STX16: variants seen among roughly 807,000 people sequenced by gnomAD.
STX16 encodes the protein syntaxin-16.
Under a neutral mutation model 42.7 loss-of-function variants are expected in STX16, and 28 were observed. That is an observed-to-expected ratio of 0.66 (90% confidence interval 0.49 to 0.90). STX16 has a LOEUF of 0.90. Among genes scored for constraint, STX16 ranks in the 40% least tolerant of loss-of-function variants. STX16 has a pLI of 0.00. For missense variants in STX16, 361 were observed against 420.9 expected (o/e 0.86, Z 1.24); for synonymous variants, 156 against 155.2 (o/e 1.00, Z -0.04).
chr20:58,671,744 C>T lies in STX16; in HGVS notation c.792+447C>T, dbSNP rs534933270. ...ATCATAGTACCATCCTCATAGGATG[C>T]TTGTTAGGGATTAAATGAGAGGAAT... On this transcript the variant is annotated intron_variant, in intron 7 of 8. Coordinates refer to ENST00000371141, the MANE Select transcript of STX16 (RefSeq NM_001001433.3). 2.0e-5 allele frequency among the ~76,000 whole-genome samples: 3 copies of T among 152,112 alleles called. No individual in the cohort carries two copies. In the South Asian group the frequency reaches 6.2e-4, roughly 32 times the overall value.
rs1291165084 is a variant in STX16, at chr20:58,657,278, C to G, written c.133-2345C>G. Among the ~76,000 whole-genome samples, 5 of 152,148 alleles carry G rather than the reference C, an allele frequency of 3.3e-5. No individual in the cohort carries two copies. Among genetic ancestry groups the G allele is most frequent in the Non-Finnish European group, 7.3e-5 (5 of 68,036 alleles). ...TGTCTTTAGAATCCAAGTATGAAAT[C>G]ATTATATATTTCTCTTTAGATCTAC... On this transcript the variant is annotated intron_variant, in intron 1 of 8. Transcript: ENST00000371141. This position sits in a 1 kb window ranked among gnomAD's most constrained non-coding sequence, Gnocchi z 4.2.
rs1339323284 is a variant in STX16 at position 58,651,751 on chromosome 20, G to T, written c.-256G>T. The T allele has an allele frequency of 2.3e-6, 1 of 427,826 alleles. No individual in the cohort carries two copies. 26.5% of individuals were successfully genotyped at this position (427,826 alleles called of 1,614,324 possible). A position where few individuals can be genotyped will look rare whatever the true frequency, so the allele number is the denominator to read the frequency against. On this transcript the variant is annotated 5_prime_UTR_variant, in exon 1 of 9. Coordinates refer to ENST00000371141, the MANE Select transcript of STX16 (RefSeq NM_001001433.3). Reference sequence around the variant, plus strand: ...TGGATCGCTACGCAAGGATTGGGGGGATTCAAGTGCTTAGAGATCGAAGTC... The same window carrying T: ...TGGATCGCTACGCAAGGATTGGGGGTATTCAAGTGCTTAGAGATCGAAGTC...
In STX16 at chr20:58,676,177, C is replaced by T. The variant is rs1363241404; in HGVS notation, c.874-10C>T. 1 of 1,611,636 alleles carries T rather than the reference C, an allele frequency of 6.2e-7. No homozygotes were observed. ...AAAATGACGGCCTTTTTTCCCTCCT[C>T]TTTTTGTAGGCAGAACAGTATCAAA... is the stretch of plus-strand genomic sequence containing the variant. On this transcript the variant is annotated splice_polypyrimidine_tract_variant and intron_variant, in intron 8 of 8. Transcript: ENST00000371141.
chr20:58,655,997 C>T (rs1192733242), intron 1 of STX16, among the ~76,000 whole-genome samples: 1 of 152,054 alleles, frequency 6.6e-6, no homozygotes, highest in African/African-American at 2.4e-5. Flanking sequence ...TTTGAGTGCC[C>T]CATCACGTTC....
chr20:58,654,418 C>A (rs939153543), intron 1 of STX16, among the ~76,000 whole-genome samples: 1 of 152,198 alleles, frequency 6.6e-6, no homozygotes, highest in Non-Finnish European at 1.5e-5. Flanking sequence ...GTTACATCTT[C>A]ACTTTGCTTA....
rs901516266 is a variant in STX16, at chr20:58,678,853, C to T, written c.*2562C>T. 7 of 152,228 alleles carry T rather than the reference C, an allele frequency of 4.6e-5. No homozygotes were observed. Among genetic ancestry groups the T allele is most frequent in the East Asian group, 1.9e-4 (1 of 5,192 alleles). The allele number at this position is 152,228 out of a possible 1,614,324, so 9.4% of individuals were successfully genotyped here. A position where few individuals can be genotyped will look rare whatever the true frequency, so the allele number is the denominator to read the frequency against. On this transcript the variant is annotated 3_prime_UTR_variant, in exon 9 of 9. Transcript: ENST00000371141. ...ACCTCAGGGTTTCTTTCCCTTTACT[C>T]GCTGGCAGCCATTGTCTGTGGGCAC...
chr20:58,667,638 G>C, intron 3 of STX16, 41 bp downstream of exon 3: 2 of 1,527,144 alleles, frequency 1.3e-6, no homozygotes, highest in Non-Finnish European at 1.8e-6. Context: ...GTTTTTTTAA[G>C]TAATTATGAC....
intron 5 of STX16, among the ~76,000 whole-genome samples, chr20:58,670,252 T>C (rs769409545): frequency 1.1e-4 from 16 of 152,262 alleles, no homozygotes; most frequent in Non-Finnish European, 2.1e-4. Context: ...GGTTGTGTCA[T>C]TTTTATCTTG....
intron 1 of STX16, chr20:58,652,363 T>G (rs1044919119): frequency 1.8e-5 from 11 of 617,092 alleles, no homozygotes; most frequent in African/African-American, 1.1e-4. Context: ...TCTCCTCACT[T>G]CCGCAGCACC....
At chr20:58,669,229 G>T (rs2083909931) in intron 4 of STX16, 62 bp from the exon 5 acceptor site, 2 of 1,556,846 alleles carry the variant, frequency 1.3e-6, no homozygotes, top group Non-Finnish European at 1.7e-6. Context: ...TTGTGATGTG[G>T]CAGTGTTAGC....
intron 7 of STX16, among the ~76,000 whole-genome samples, chr20:58,671,632 AC>A (rs1177913059): frequency 8.5e-5 from 13 of 152,052 alleles, no homozygotes; most frequent in Admixed American, 7.2e-4. Context: ...GAATGTTGGA[AC>A]CCTGGCTCTT....
intron 1 of STX16, among the ~76,000 whole-genome samples, chr20:58,656,696 A>T (rs750904422): frequency 3.3e-5 from 5 of 152,258 alleles, no homozygotes; most frequent in Non-Finnish European, 7.3e-5. Context: ...AGTTTGAAAC[A>T]TAAGCACATT....
In STX16 at chr20:58,660,767, G is replaced by C. The variant is rs959496687; in HGVS notation, c.144+1133G>C. Among the ~76,000 whole-genome samples the C allele has an allele frequency of 4.3e-5, 4 of 93,078 alleles. No homozygotes were observed. In the Admixed American group the frequency reaches 6.4e-4, roughly 15 times the overall value. The allele number at this position is 93,078 out of a possible 152,430, so 61.1% of individuals were successfully genotyped here. On this transcript the variant is annotated intron_variant, in intron 2 of 8. Coordinates refer to ENST00000371141, the MANE Select transcript of STX16 (RefSeq NM_001001433.3). ...GGAAAAATAACTCATATTTATGCTT[G>C]TGTGTGCTTAAAAAATTCCTGAAAA...
At position 58,657,487 on chromosome 20, in the gene STX16, A is replaced by T. The variant is rs141616627; in HGVS notation, c.133-2136A>T. Among the ~76,000 whole-genome samples the T allele has an allele frequency of 2.8e-3, 430 of 152,354 alleles. 2 individuals carry two copies. Among genetic ancestry groups the T allele is most frequent in the African/African-American group, 0.01 (418 of 41,590 alleles). On this transcript the variant is annotated intron_variant, in intron 1 of 8. Coordinates refer to ENST00000371141, the MANE Select transcript of STX16 (RefSeq NM_001001433.3). The surrounding 1 kb of genome is among the most constrained non-coding windows in gnomAD (Gnocchi z 4.2). ...CTCAACTTTTCCAGACTTCCTGAGTAAACACAGATGGGTTTCCACTTATTT... is the reference window on the plus strand; with the variant it reads ...CTCAACTTTTCCAGACTTCCTGAGTTAACACAGATGGGTTTCCACTTATTT...
chr20:58,659,709 C>A, intron 2 of STX16, 75 bp downstream of exon 2: 1 of 1,511,608 alleles, frequency 6.6e-7, no homozygotes, highest in Non-Finnish European at 9.1e-7. Context: ...GAAGTCTTTG[C>A]TCATATATAA....
In STX16 at chr20:58,671,221, A is replaced by G. The variant is rs202102691; in HGVS notation, c.716A>G (p.Glu239Gly). 202 of 1,613,864 alleles carry G rather than the reference A, an allele frequency of 1.3e-4. No homozygotes were observed. The highest frequency in any genetic ancestry group is 1.7e-4 in the Non-Finnish European group (197 of 1,179,986). Residue 239 changes from glutamate (E) to glycine (G), a missense_variant, in exon 7 of 9, where the codon GAG (glutamate) becomes GGG (glycine). Transcript: ENST00000371141. ...CTGATGGTGGAAGAGCGGGAACGAGAGATTCGCCAGATTGTACAGTCCATT... is the reference window on the plus strand; with the variant it reads ...CTGATGGTGGAAGAGCGGGAACGAGGGATTCGCCAGATTGTACAGTCCATT... The part of the protein sequence containing the change: ...NTLMVEERER[E>G]IRQIVQSISD...
At chr20:58,654,496 T>G (rs1446133990) in intron 1 of STX16, among the ~76,000 whole-genome samples, 1 of 152,170 alleles carries the variant, frequency 6.6e-6, no homozygotes, top group Non-Finnish European at 1.5e-5. Flanking sequence ...TAAATAGAGG[T>G]TATGATTTTT....
chr20:58,652,201 C>G, intron 1 of STX16, 63 bp downstream of exon 1: 2 of 1,585,372 alleles, frequency 1.3e-6, no homozygotes, highest in Non-Finnish European at 1.7e-6. Context: ...GCCTGTTTGT[C>G]TGTCTCTGTC....
At chr20:58,665,803 G>A (rs1174820351) in intron 2 of STX16, among the ~76,000 whole-genome samples, 2 of 152,198 alleles carry the variant, frequency 1.3e-5, no homozygotes, top group East Asian at 3.8e-4. Flanking sequence ...TGGACGTGCT[G>A]GGATTAGTGA....
Sources: allele counts gnomAD v4.1 joint callset (sites outside exome capture counted in the v4.1 genomes callset), GRCh38; gene constraint gnomAD v4.1.1; non-coding constraint Gnocchi (gnomAD v3.1); transcripts MANE v1.5; gene names NCBI Gene and HGNC (gene_info 2026-07-23, HGNC 2026-07-21).